PBX1: variants seen among roughly 807,000 people sequenced by gnomAD.
The protein encoded by PBX1 is pre-B-cell leukemia transcription factor 1.
A neutral mutation model predicts 53.4 loss-of-function variants in PBX1; 6 were observed. That is an observed-to-expected ratio of 0.11 (90% CI 0.06 to 0.22). The LOEUF is 0.22. Among genes scored for constraint, PBX1 ranks in the 10% least tolerant of loss-of-function variants. The probability of loss-of-function intolerance (pLI) is 1.00; values close to 1 mark genes in which losing one functional copy is unlikely to be tolerated. For synonymous variants in PBX1, 204 were observed against 212.3 expected (o/e 0.96, Z 0.34); for missense variants, 251 against 551.4 (o/e 0.46, Z 5.46).
intron 2 of PBX1, 44 bp downstream of exon 2, chr1:164,563,355 T>G (rs1217356172): frequency 8.0e-7 from 1 of 1,244,070 alleles, no homozygotes. Flanking sequence ...TTTGGCCAAT[T>G]AAATCACTTA....
At chr1:164,749,304 TTC>T (rs1466554619) in intron 2 of PBX1, among the ~76,000 whole-genome samples, 20 of 152,220 alleles carry the variant, frequency 1.3e-4, no homozygotes, top group Admixed American at 1.2e-3. Context: ...TACAGAAATT[TTC>T]TGTTACTTTA....
chr1:164,760,160 C>T (rs946540070), intron 2 of PBX1, among the ~76,000 whole-genome samples: 2 of 152,162 alleles, frequency 1.3e-5, no homozygotes, highest in Non-Finnish European at 2.9e-5. Context: ...CCTGTCACTC[C>T]GTCTTGACTA....
At chr1:164,820,444 A>C (rs1670097028) in intron 7 of PBX1, among the ~76,000 whole-genome samples, 1 of 152,176 alleles carries the variant, frequency 6.6e-6, no homozygotes, top group Non-Finnish European at 1.5e-5. Flanking sequence ...GGTGACCGAG[A>C]CACATCAGGC....
chr1:164,737,570 C>G (rs1232819088), intron 2 of PBX1, among the ~76,000 whole-genome samples: 1 of 151,696 alleles, frequency 6.6e-6, no homozygotes, highest in African/African-American at 2.4e-5. Flanking sequence ...CCTCTGCCTT[C>G]CGGGTTCAAG....
chr1:164,782,908 A>C (rs1248184302), intron 2 of PBX1, among the ~76,000 whole-genome samples: 1 of 152,160 alleles, frequency 6.6e-6, no homozygotes, highest in African/African-American at 2.4e-5. Context: ...TCAAAACTTA[A>C]ACATGCTTCC....
intron 2 of PBX1, among the ~76,000 whole-genome samples, chr1:164,860,167 A>C (rs1021401893): frequency 1.3e-5 from 2 of 152,170 alleles, no homozygotes; most frequent in Admixed American, 6.5e-5. Context: ...GGTGATGTTG[A>C]TTTAAAACCT....
intron 2 of PBX1, among the ~76,000 whole-genome samples, chr1:164,671,669 T>G (rs1239747106): frequency 6.6e-6 from 1 of 152,102 alleles, no homozygotes; most frequent in African/African-American, 2.4e-5. Flanking sequence ...GGAACATGTG[T>G]GTAAGGCTGA....
At chr1:164,689,019 G>T (rs979874882) in intron 2 of PBX1, among the ~76,000 whole-genome samples, 2 of 152,222 alleles carry the variant, frequency 1.3e-5, no homozygotes, top group African/African-American at 2.4e-5. Context: ...CGCAGGCCAC[G>T]CAGAGAGGCA....
intron 2 of PBX1, among the ~76,000 whole-genome samples, chr1:164,866,760 T>C (rs1237516794): frequency 6.6e-6 from 1 of 152,206 alleles, no homozygotes; most frequent in African/African-American, 2.4e-5. Flanking sequence ...ATAACTATAC[T>C]TTGAAGAATC....
chr1:164,829,068 T>C (rs555848702), intron 8 of PBX1: 4 of 152,358 alleles, frequency 2.6e-5, no homozygotes, highest in Admixed American at 6.5e-5. Flanking sequence ...TTGAGATCCT[T>C]CTAATTTCCA....
chr1:164,736,459 C>A (rs1438757263), intron 2 of PBX1, among the ~76,000 whole-genome samples: 1 of 152,162 alleles, frequency 6.6e-6, no homozygotes, highest in African/African-American at 2.4e-5. Flanking sequence ...ACCTTCCTCT[C>A]TCATTCCACG....
intron 2 of PBX1, among the ~76,000 whole-genome samples, chr1:164,876,603 G>T (rs1672517764): frequency 2.0e-5 from 3 of 151,824 alleles, no homozygotes; most frequent in African/African-American, 7.3e-5. Context: ...CACTGTGCTC[G>T]GTGCTCTGTG....
intron 2 of PBX1, among the ~76,000 whole-genome samples, chr1:164,707,282 G>A (rs1463308935): frequency 3.3e-5 from 5 of 152,148 alleles, no homozygotes; most frequent in Non-Finnish European, 7.3e-5. Context: ...TTATTTGGCA[G>A]TATTTCCACA....
rs74121236 is a variant in PBX1, at chr1:164,785,503, G to A, written c.266-6991G>A. ...AGTAAACAAAATCAGAGGAAGAAGT[G>A]TATGTGCATCAGTTGGATGCACACA... On this transcript the variant is annotated intron_variant, in intron 2 of 8. Coordinates refer to ENST00000420696, the MANE Select transcript of PBX1 (RefSeq NM_002585.4). 3.7e-3 allele frequency among the ~76,000 whole-genome samples: 563 copies of A among 152,314 alleles called. 4 individuals are homozygous for A. Among genetic ancestry groups the A allele is most frequent in the African/African-American group, 0.013 (540 of 41,562 alleles).
chr1:164,710,071 A>G (rs1394906270), intron 2 of PBX1, among the ~76,000 whole-genome samples: 1 of 152,226 alleles, frequency 6.6e-6, no homozygotes, highest in African/African-American at 2.4e-5. Context: ...TGAGAATTAA[A>G]TGAGCAAATT....
chr1:164,598,599 C>T (rs922559513), intron 2 of PBX1, among the ~76,000 whole-genome samples: 1 of 152,220 alleles, frequency 6.6e-6, no homozygotes, highest in African/African-American at 2.4e-5. Context: ...TACTGGAACT[C>T]TCAGTATGTG....
chr1:164,597,849 T>A (rs1276838241), intron 2 of PBX1, among the ~76,000 whole-genome samples: 1 of 152,158 alleles, frequency 6.6e-6, no homozygotes. Context: ...TTAAGAGACT[T>A]AAATTAATTA....
intron 2 of PBX1, among the ~76,000 whole-genome samples, chr1:164,706,761 C>T (rs1002990623): frequency 1.3e-5 from 2 of 152,180 alleles, no homozygotes. Context: ...GCACACATAA[C>T]CCTACCCTCA....
At chr1:164,688,915 G>T (rs546191466) in intron 2 of PBX1, among the ~76,000 whole-genome samples, 2 of 152,206 alleles carry the variant, frequency 1.3e-5, no homozygotes, top group South Asian at 2.1e-4. Flanking sequence ...CTAAGGAATA[G>T]GAGGGAACAA....
Sources: allele counts gnomAD v4.1 joint callset (sites outside exome capture counted in the v4.1 genomes callset), GRCh38; gene constraint gnomAD v4.1.1; transcripts MANE v1.5; gene names NCBI Gene and HGNC (gene_info 2026-07-23, HGNC 2026-07-21).